Variants in ANKIB1 observed in about 807,000 individuals in gnomAD.
ANKIB1 encodes ankyrin repeat and IBR domain containing 1.
In ANKIB1, 43 loss-of-function variants were observed where a neutral mutation model predicts 122.1. The ratio of observed to expected loss-of-function variants is 0.35; its 90% confidence interval spans 0.28 to 0.45. ANKIB1 has a LOEUF of 0.45. ANKIB1 is among the 20% of genes least tolerant of loss of function. The pLI, the probability that ANKIB1 is intolerant of heterozygous loss-of-function variation, is 1.00. For missense variants in ANKIB1, 992 were observed against 1,329.5 expected (o/e 0.75, Z 3.95); for synonymous variants, 390 against 442.0 (o/e 0.88, Z 1.48).
chr7:92,362,530 C>T (rs1425272292), intron 10 of ANKIB1, among the ~76,000 whole-genome samples: 1 of 151,554 alleles, frequency 6.6e-6, no homozygotes, highest in East Asian at 1.9e-4. Flanking sequence ...AAATGGGGGT[C>T]CCATTTAATC....
At chr7:92,334,217 C>G (rs946750784) in intron 5 of ANKIB1, among the ~76,000 whole-genome samples, 18 of 152,040 alleles carry the variant, frequency 1.2e-4, no homozygotes, top group Non-Finnish European at 2.4e-4. Flanking sequence ...ATTACAGAGA[C>G]TTAAAACAGT....
At chr7:92,323,814 A>T (rs1474754065) in intron 4 of ANKIB1, among the ~76,000 whole-genome samples, 1 of 152,256 alleles carries the variant, frequency 6.6e-6, no homozygotes, top group African/African-American at 2.4e-5. Context: ...GATCAACCTC[A>T]GAAACATTAT....
chr7:92,358,475 A>C (rs1039964973), intron 9 of ANKIB1, among the ~76,000 whole-genome samples: 5 of 152,016 alleles, frequency 3.3e-5, no homozygotes, highest in Non-Finnish European at 7.4e-5. Context: ...TTTGCTATTT[A>C]ATACAACACA....
At chr7:92,361,044 G>T (rs937718333) in intron 9 of ANKIB1, among the ~76,000 whole-genome samples, 4 of 151,924 alleles carry the variant, frequency 2.6e-5, no homozygotes, top group Admixed American at 2.6e-4. Flanking sequence ...CCTAACCTTT[G>T]TAAATAAAAT....
chr7:92,388,226 C>T (rs562187061), intron 14 of ANKIB1, among the ~76,000 whole-genome samples, 185 bp downstream of exon 14: 1 of 152,252 alleles, frequency 6.6e-6, no homozygotes, highest in African/African-American at 2.4e-5. Flanking sequence ...GATTTTCTAC[C>T]CAGCACCTAG....
rs181017011 is a variant in ANKIB1 at position 92,310,452 on chromosome 7, G to C, written c.486+2796G>C. Among the ~76,000 whole-genome samples the C allele has an allele frequency of 1.2e-3, 178 of 151,822 alleles. 1 individual carries two copies. Among genetic ancestry groups the C allele is most frequent in the African/African-American group, 4.1e-3 (168 of 41,370 alleles). ...GTATATATACTCTTGTCCAACCTTAGGCCCTTAATGATTTTCTATTATGCA... is the reference window on the plus strand; with the variant it reads ...GTATATATACTCTTGTCCAACCTTACGCCCTTAATGATTTTCTATTATGCA... On this transcript the variant is annotated intron_variant, in intron 3 of 19. Transcript: ENST00000265742.
intron 1 of ANKIB1, among the ~76,000 whole-genome samples, chr7:92,288,089 T>C (rs1802173409): frequency 1.3e-5 from 2 of 149,696 alleles, no homozygotes; most frequent in Non-Finnish European, 3.0e-5. Flanking sequence ...ACAAATCTAC[T>C]TTAGACAATC....
In ANKIB1 at chr7:92,398,266, T is replaced by G; in HGVS notation, c.2587T>G (p.Ser863Ala). 1 of 1,613,504 alleles carries G rather than the reference T, an allele frequency of 6.2e-7. No homozygotes were observed. The highest frequency in any genetic ancestry group is 8.5e-7 in the Non-Finnish European group (1 of 1,179,660). The change falls in exon 20 of 20, where the codon TCA becomes GCA. Residue 863 changes from serine (S) to alanine (A), a missense_variant. This residue lies in a region of ANKIB1 where 384 missense variants were observed against 412.0 expected (regional missense o/e 0.93). Coordinates refer to ENST00000265742, the MANE Select transcript of ANKIB1 (RefSeq NM_019004.2). ...DPNILLAIQL[S>A]LQESGLALDE... ...CAATATACTTCTTGCAATACAGTTA[T>G]CACTGCAAGAGTCTGGGCTGGCCCT...
At chr7:92,355,841 T>TC (rs1212494990) in intron 9 of ANKIB1, among the ~76,000 whole-genome samples, 1 of 142,670 alleles carries the variant, frequency 7.0e-6, no homozygotes, top group Non-Finnish European at 1.5e-5. Context: ...GGAGCGAGAC[T>TC]CCGTCTCATA....
At chr7:92,341,794 A>G (rs189248636) in intron 5 of ANKIB1, among the ~76,000 whole-genome samples, 1 of 152,200 alleles carries the variant, frequency 6.6e-6, no homozygotes, top group African/African-American at 2.4e-5. Context: ...TGCATTCAGT[A>G]GAAACCATAC....
chr7:92,304,935 A>G (rs1444514766), intron 2 of ANKIB1, among the ~76,000 whole-genome samples: 2 of 152,190 alleles, frequency 1.3e-5, no homozygotes, highest in Non-Finnish European at 2.9e-5. Flanking sequence ...GTTTGTATCC[A>G]TGTATATTCA....
intron 3 of ANKIB1, among the ~76,000 whole-genome samples, chr7:92,314,608 G>T (rs1429721453): frequency 6.6e-6 from 1 of 152,084 alleles, no homozygotes; most frequent in African/African-American, 2.4e-5. Context: ...ATAATTTGTG[G>T]GCTACCTATA....
chr7:92,382,739 AGT>A, intron 11 of ANKIB1, among the ~76,000 whole-genome samples: 1 of 152,340 alleles, frequency 6.6e-6, no homozygotes, highest in African/African-American at 2.4e-5. Context: ...CATTTAAAGC[AGT>A]GTGCAGAGGG....
At chr7:92,294,309 T>C (rs1802308618) in intron 1 of ANKIB1, among the ~76,000 whole-genome samples, 1 of 152,220 alleles carries the variant, frequency 6.6e-6, no homozygotes, top group South Asian at 2.1e-4. Flanking sequence ...TATTGTTCTG[T>C]GTATTATCAG....
At chr7:92,308,588 T>C in intron 3 of ANKIB1, among the ~76,000 whole-genome samples, 1 of 152,172 alleles carries the variant, frequency 6.6e-6, no homozygotes, top group Non-Finnish European at 1.5e-5. Flanking sequence ...TACTGTATTA[T>C]ACTGTAATTT....
At chr7:92,358,202 A>T (rs895109538) in intron 9 of ANKIB1, among the ~76,000 whole-genome samples, 1 of 152,196 alleles carries the variant, frequency 6.6e-6, no homozygotes, top group African/African-American at 2.4e-5. Flanking sequence ...AGATCGTGCC[A>T]TTGCACTCCA....
At chr7:92,342,710 CGAAAATGTAGT>C (rs1364647259) in intron 5 of ANKIB1, among the ~76,000 whole-genome samples, 2 of 151,970 alleles carry the variant, frequency 1.3e-5, no homozygotes, top group Non-Finnish European at 2.9e-5. Flanking sequence ...CCTATGCCAG[CGAAAATGTAGT>C]GAATTCCAAG....
chr7:92,246,095 C>T lies in ANKIB1; in HGVS notation c.-515C>T. 7.1e-6 allele frequency: 2 copies of T among 281,336 alleles called. No individual in the cohort carries two copies. The highest frequency in any genetic ancestry group is 5.6e-5 in the South Asian group (2 of 35,954). 17.4% of individuals were successfully genotyped at this position (281,336 alleles called of 1,614,324 possible). A position where few individuals can be genotyped will look rare whatever the true frequency, so the allele number is the denominator to read the frequency against. Reference sequence around the variant, plus strand: ...GCGGTGGGGGTGCCAGCGGCTGAGCCGGAGCCGGAGCCGGAGGCGGGGGAG... The same window carrying T: ...GCGGTGGGGGTGCCAGCGGCTGAGCTGGAGCCGGAGCCGGAGGCGGGGGAG... On this transcript the variant is annotated 5_prime_UTR_variant, in exon 1 of 20. Transcript: ENST00000265742.
At position 92,365,842 on chromosome 7, in the gene ANKIB1, G is replaced by A. The variant is rs988002780; in HGVS notation, c.1486+3569G>A. On this transcript the variant is annotated intron_variant, in intron 10 of 19. Coordinates refer to ENST00000265742, the MANE Select transcript of ANKIB1 (RefSeq NM_019004.2). ...GAGACAGTCTCGCTCTGTCGCCCGG[G>A]CTGGAGTGCAGTGGTGCGATCTCGG... Among the ~76,000 whole-genome samples the A allele has an allele frequency of 3.0e-5, 4 of 134,130 alleles. No individual in the cohort carries two copies. In the East Asian group the frequency reaches 6.3e-4, roughly 21 times the overall value. The allele number at this position is 134,130 out of a possible 152,430, so 88.0% of individuals were successfully genotyped here.
Sources: allele counts gnomAD v4.1 joint callset (sites outside exome capture counted in the v4.1 genomes callset), GRCh38; gene constraint gnomAD v4.1.1; regional missense constraint gnomAD v4.1.1; transcripts MANE v1.5; gene names NCBI Gene and HGNC (gene_info 2026-07-23, HGNC 2026-07-21).